The following DLC1 variants were observed in gnomAD, a reference collection of about 807,000 sequenced individuals.
DLC1 encodes the protein rho GTPase-activating protein 7.
Under a neutral mutation model 140.3 loss-of-function variants are expected in DLC1, and 54 were observed. The ratio of observed to expected loss-of-function variants is 0.38; its 90% CI spans 0.31 to 0.48. The LOEUF (loss-of-function observed/expected upper bound fraction) is 0.48, where lower values mean the gene tolerates loss of function less well. Ranked by LOEUF, DLC1 falls within the 20% of genes least tolerant of loss-of-function variation. DLC1 has a pLI of 0.96. For missense variants in DLC1, 2,536 were observed against 1,907.0 expected, an observed-to-expected ratio of 1.33 and a Z score of -6.14; for synonymous variants, 986 against 728.1, an observed-to-expected ratio of 1.35 and a Z score of -5.70.
chr8:13,093,632 A>C (rs1818268418), intron 12 of DLC1, among the ~76,000 whole-genome samples: 1 of 152,224 alleles, frequency 6.6e-6, no homozygotes, highest in African/African-American at 2.4e-5. Flanking sequence ...GCTCCATAGG[A>C]CAAACTGATT....
intron 1 of DLC1, among the ~76,000 whole-genome samples, chr8:13,557,107 G>A (rs1305418721): frequency 6.6e-6 from 1 of 152,126 alleles, no homozygotes; most frequent in Non-Finnish European, 1.5e-5. Context: ...AACTCTGAAT[G>A]TTATTCTATT....
intron 1 of DLC1, among the ~76,000 whole-genome samples, chr8:13,575,417 G>T (rs1282346497): frequency 5.3e-5 from 8 of 151,976 alleles, no homozygotes; most frequent in African/African-American, 1.9e-4. Flanking sequence ...GACTAGCATG[G>T]CTTTTATTAT....
intron 2 of DLC1, among the ~76,000 whole-genome samples, chr8:13,438,782 G>C (rs1839234501): frequency 1.3e-5 from 2 of 152,118 alleles, no homozygotes; most frequent in African/African-American, 4.8e-5. Flanking sequence ...GTCCAAAACA[G>C]CCGCCTCCTT....
chr8:13,524,214 T>C (rs1802850103), intron 1 of DLC1, among the ~76,000 whole-genome samples: 1 of 150,764 alleles, frequency 6.6e-6, no homozygotes, highest in African/African-American at 2.4e-5. Flanking sequence ...CTGGGCTCAA[T>C]GCAAACTCCG....
chr8:13,401,794 A>T (rs1318081158), intron 2 of DLC1, among the ~76,000 whole-genome samples, 175 bp from the exon 3 acceptor site: 1 of 152,242 alleles, frequency 6.6e-6, no homozygotes. Flanking sequence ...ACACTGACCT[A>T]GTGCCAAGAA....
intron 5 of DLC1, among the ~76,000 whole-genome samples, chr8:13,296,011 A>AG (rs1831937625): frequency 8.6e-6 from 1 of 116,762 alleles, no homozygotes; most frequent in Non-Finnish European, 1.6e-5. Context: ...GGAGTGCAGT[A>AG]GGGCGATCTT....
At chr8:13,497,554 G>C (rs1192344999) in intron 2 of DLC1, among the ~76,000 whole-genome samples, 1 of 152,186 alleles carries the variant, frequency 6.6e-6, no homozygotes, top group Non-Finnish European at 1.5e-5. Flanking sequence ...ACATGTCCAA[G>C]AGTAAATTCT....
upstream of DLC1, chr8:13,515,742 T>C (rs541954323): frequency 6.6e-6 from 1 of 152,300 alleles, no homozygotes; most frequent in African/African-American, 2.4e-5. Context: ...TACCATTTGG[T>C]TTTGATTAAA....
chr8:13,454,503 C>T (rs1799302130), intron 2 of DLC1, among the ~76,000 whole-genome samples: 1 of 152,136 alleles, frequency 6.6e-6, no homozygotes, highest in Non-Finnish European at 1.5e-5. Context: ...AGACTTGGAA[C>T]AAATGTGCCT....
In DLC1 at chr8:13,427,246, A is replaced by T. The variant is rs539477298; in HGVS notation, c.1024-25627T>A. 9.9e-5 allele frequency among the ~76,000 whole-genome samples: 15 copies of T among 152,150 alleles called. No individual in the cohort carries two copies. In the South Asian group the frequency reaches 3.1e-3, roughly 32 times the overall value. On this transcript the variant is annotated intron_variant, in intron 2 of 17. Transcript: ENST00000276297. ...TCATTGACTATCAATGCATTGCCCC[A>T]TGCCTCCAAGATTTTCCCACAGTTC...
At chr8:13,390,042 A>T (rs1407904391) in intron 4 of DLC1, among the ~76,000 whole-genome samples, 1 of 152,160 alleles carries the variant, frequency 6.6e-6, no homozygotes, top group East Asian at 1.9e-4. Context: ...CATATCATTT[A>T]TTCCTTAAGC....
At chr8:13,155,132 CTTT>C (rs34191257) in intron 5 of DLC1, among the ~76,000 whole-genome samples, 35 of 145,102 alleles carry the variant, frequency 2.4e-4, no homozygotes, top group Non-Finnish European at 2.4e-4. Flanking sequence ...ACTTGCGCTG[CTTT>C]TTTTTTTTTT....
At chr8:13,592,771 T>C (rs1420176813) in intron 1 of DLC1, among the ~76,000 whole-genome samples, 1 of 152,136 alleles carries the variant, frequency 6.6e-6, no homozygotes, top group Non-Finnish European at 1.5e-5. Flanking sequence ...TTCTTTCTGG[T>C]GCAGTTTATA....
intron 2 of DLC1, among the ~76,000 whole-genome samples, chr8:13,427,578 C>T (rs977164): frequency 6.6e-6 from 1 of 152,308 alleles, no homozygotes; most frequent in African/African-American, 2.4e-5. Context: ...TCTTCCTCCT[C>T]TACCTCGAAA....
At chr8:13,236,455 T>G (rs1829287204) in intron 5 of DLC1, among the ~76,000 whole-genome samples, 2 of 152,168 alleles carry the variant, frequency 1.3e-5, no homozygotes, top group African/African-American at 4.8e-5. Context: ...TAAAATCTCT[T>G]ATTCACTAAT....
chr8:13,492,160 A>T (rs1157995316), intron 2 of DLC1, among the ~76,000 whole-genome samples: 1 of 152,162 alleles, frequency 6.6e-6, no homozygotes, highest in Non-Finnish European at 1.5e-5. Context: ...AAAACATTTG[A>T]GGATCTTGAA....
chr8:13,280,330 A>G (rs910740374), intron 5 of DLC1, among the ~76,000 whole-genome samples: 2 of 150,008 alleles, frequency 1.3e-5, no homozygotes, highest in East Asian at 2.0e-4. Context: ...GAATAATGAC[A>G]TTATGCTTTG....
At chr8:13,387,853 A>G (rs1222363824) in intron 4 of DLC1, among the ~76,000 whole-genome samples, 1 of 152,054 alleles carries the variant, frequency 6.6e-6, no homozygotes, top group African/African-American at 2.4e-5. Flanking sequence ...TGTAGCAAAG[A>G]CGTTCGCATG....
intron 5 of DLC1, among the ~76,000 whole-genome samples, chr8:13,122,802 G>GAA (rs34886200): frequency 0.28 from 33,543 of 120,354 alleles, 4,473 homozygotes; most frequent in Middle Eastern, 0.4. Flanking sequence ...TGCATAGTCT[G>GAA]AAAAAAAAAA....
Sources: gnomAD v4.1 joint callset for allele counts (sites outside exome capture counted in the v4.1 genomes callset) on GRCh38, gnomAD v4.1.1 for gene constraint, MANE v1.5 for transcripts, NCBI Gene and HGNC (gene_info 2026-07-23, HGNC 2026-07-21) for gene names.